Variants in MDN1 observed in about 807,000 individuals in gnomAD.
The protein encoded by MDN1 is midasin AAA ATPase 1.
In MDN1, 266 loss-of-function variants were observed where a neutral mutation model predicts 669.2. The observed-to-expected ratio is 0.40, with a 90% CI of 0.36 to 0.44. The LOEUF (loss-of-function observed/expected upper bound fraction) is 0.44, where lower values mean the gene tolerates loss of function less well. Among genes scored for constraint, MDN1 ranks in the 20% least tolerant of loss-of-function variants. MDN1 has a pLI of 1.00. For synonymous variants in MDN1, 2,385 were observed against 2,457.1 expected (o/e 0.97, Z 0.87); for missense variants, 5,940 against 6,754.0 (o/e 0.88, Z 4.22).
intron 78 of MDN1, 53 bp from the exon 79 acceptor site, chr6:89,674,642 T>C: frequency 2.0e-6 from 3 of 1,492,026 alleles, no homozygotes; most frequent in Non-Finnish European, 2.7e-6. Flanking sequence ...TTAAACCACT[T>C]TACCACATTG....
At chr6:89,806,404 A>C (rs1768022919) in intron 1 of MDN1, among the ~76,000 whole-genome samples, 1 of 152,138 alleles carries the variant, frequency 6.6e-6, no homozygotes, top group Non-Finnish European at 1.5e-5. Flanking sequence ...CTCTTCAAAA[A>C]AATAAAAATA....
chr6:89,677,093 GT>G (rs994254395), intron 76 of MDN1, among the ~76,000 whole-genome samples: 11 of 149,954 alleles, frequency 7.3e-5, no homozygotes, highest in Non-Finnish European at 1.5e-4. Context: ...GAAAATAAAT[GT>G]TTTTTTTCTT....
At position 89,644,059 on chromosome 6, in the gene MDN1, G is replaced by C; in HGVS notation, c.16737C>G (p.Leu5579=). 2 of 1,614,114 alleles carry C rather than the reference G, an allele frequency of 1.2e-6. No individual in the cohort carries two copies. Among genetic ancestry groups the C allele is most frequent in the Non-Finnish European group, 1.7e-6 (2 of 1,180,016 alleles). ...LRDVNALPET[L]SDALRQWFEL... ...CAAACCACTGTCTGAGGGCATCGCTGAGTGTCTCAGGAAGTGCGTTTACAT... is the reference window on the plus strand; with the variant it reads ...CAAACCACTGTCTGAGGGCATCGCTCAGTGTCTCAGGAAGTGCGTTTACAT... The change falls in exon 102 of 102, where the codon CTC becomes CTG. Residue 5579 remains leucine, a synonymous_variant. Transcript: ENST00000369393.
rs781541536 is a variant in MDN1 at position 89,714,557 on chromosome 6, C to T, written c.7055G>A (p.Arg2352Gln). The change falls in exon 46 of 102, where the codon CGG (arginine) becomes CAG (glutamine). Residue 2352 changes from arginine to glutamine, a missense_variant. Transcript: ENST00000369393. ...AAGCACCTCACCTACAACAGTGCTC[C>T]GGGTCTCTGTGTGTAAAGCCAAGAG... ...DILLALHTET[R>Q]STVVGSPTSS... 23 of 1,608,120 alleles carry T rather than the reference C, an allele frequency of 1.4e-5. No homozygotes were observed. The highest frequency in any genetic ancestry group is 3.4e-5 in the Admixed American group (2 of 59,266).
At chr6:89,763,972 C>T (rs1160215863) in intron 15 of MDN1, among the ~76,000 whole-genome samples, 2 of 152,112 alleles carry the variant, frequency 1.3e-5, no homozygotes, top group East Asian at 1.9e-4. Context: ...CCCACCACTT[C>T]GGGAGGTCAA....
chr6:89,772,495 ATTT>A, intron 14 of MDN1, 75 bp downstream of exon 14: 1 of 1,528,508 alleles, frequency 6.5e-7, no homozygotes, highest in South Asian at 1.2e-5. Flanking sequence ...TGGTCTTTGG[ATTT>A]AGTATTTTTA....
intron 33 of MDN1, among the ~76,000 whole-genome samples, chr6:89,737,600 T>C (rs545537344): frequency 3.3e-5 from 5 of 152,134 alleles, no homozygotes; most frequent in African/African-American, 1.2e-4. Flanking sequence ...TTCTAGATTA[T>C]GGATACTAAT....
chr6:89,663,340 G>C (rs911916816), intron 85 of MDN1, among the ~76,000 whole-genome samples: 1 of 152,096 alleles, frequency 6.6e-6, no homozygotes, highest in Non-Finnish European at 1.5e-5. Flanking sequence ...TCAATATACT[G>C]CTATGATTTT....
chr6:89,697,713 C>G (rs1027419990), intron 59 of MDN1, among the ~76,000 whole-genome samples: 2 of 151,950 alleles, frequency 1.3e-5, no homozygotes, highest in African/African-American at 2.4e-5. Context: ...TCCCAAGTAG[C>G]TGGGATTCAG....
At chr6:89,786,164 C>T (rs1441214451) in intron 8 of MDN1, among the ~76,000 whole-genome samples, 1 of 152,096 alleles carries the variant, frequency 6.6e-6, no homozygotes, top group Non-Finnish European at 1.5e-5. Flanking sequence ...GAGACTGAGG[C>T]ACGAGAATCG....
At chr6:89,801,106 G>A (rs1207120160) in intron 2 of MDN1, among the ~76,000 whole-genome samples, 2 of 152,196 alleles carry the variant, frequency 1.3e-5, no homozygotes, top group African/African-American at 4.8e-5. Flanking sequence ...AACATTAAAG[G>A]AAATAATCTC....
chr6:89,643,290 G>A lies in MDN1; in HGVS notation c.*715C>T, dbSNP rs971864291. Reference sequence around the variant, plus strand: ...GACCATGGCACTGAATGAAATAAAGGGGCAATCACCTTCCCATCATTGCAT... The same window carrying A: ...GACCATGGCACTGAATGAAATAAAGAGGCAATCACCTTCCCATCATTGCAT... On this transcript the variant is annotated 3_prime_UTR_variant, in exon 102 of 102. Coordinates refer to ENST00000369393, the MANE Select transcript of MDN1 (RefSeq NM_014611.3). 7 of 152,106 alleles carry A rather than the reference G, an allele frequency of 4.6e-5. No homozygotes were observed. The highest frequency in any genetic ancestry group is 7.4e-5 in the Non-Finnish European group (5 of 68,006). 9.4% of individuals were successfully genotyped at this position (152,106 alleles called of 1,614,324 possible). A position where few individuals can be genotyped will look rare whatever the true frequency, so the allele number is the denominator to read the frequency against.
intron 38 of MDN1, among the ~76,000 whole-genome samples, chr6:89,724,998 C>G (rs1332197924): frequency 2.0e-5 from 3 of 152,182 alleles, no homozygotes; most frequent in African/African-American, 7.2e-5. Context: ...GATAACACAT[C>G]TAGTCTTCCA....
At chr6:89,694,923 T>C (rs946371207) in intron 61 of MDN1, among the ~76,000 whole-genome samples, 4 of 152,264 alleles carry the variant, frequency 2.6e-5, no homozygotes, top group African/African-American at 9.6e-5. Flanking sequence ...AGGGATACTA[T>C]ATTCTATCTA....
intron 13 of MDN1, 143 bp from the exon 14 acceptor site, chr6:89,772,864 T>TA: frequency 1.1e-6 from 1 of 890,822 alleles, no homozygotes; most frequent in Non-Finnish European, 1.6e-6. Flanking sequence ...CAGATAATCT[T>TA]ACAACATACA....
At chr6:89,757,778 G>C (rs1562187346) in intron 19 of MDN1, among the ~76,000 whole-genome samples, 1 of 152,060 alleles carries the variant, frequency 6.6e-6, no homozygotes, top group Non-Finnish European at 1.5e-5. Flanking sequence ...GGGCGCACTG[G>C]CTCACACCTG....
In MDN1 at chr6:89,670,170, A is replaced by ATATATATATATATATTT. The variant is rs1444537561; in HGVS notation, c.13956+748_13956+749insAAATATATATATATATA. 1.3e-4 allele frequency among the ~76,000 whole-genome samples: 3 copies of ATATATATATATATATTT among 23,412 alleles called. 1 individual carries two copies. The highest frequency in any genetic ancestry group is 5.1e-4 in the African/African-American group (2 of 3,910). 15.4% of individuals were successfully genotyped at this position (23,412 alleles called of 152,430 possible). A position where few individuals can be genotyped will look rare whatever the true frequency, so the allele number is the denominator to read the frequency against. ...TATATATATATATATATATATATAT[A>ATATATATATATATATTT]TTTTTTTTTTTTTTTTTTTTGAGAT... On this transcript the variant is annotated intron_variant, in intron 83 of 101. Transcript: ENST00000369393.
At chr6:89,764,372 A>AT (rs1289837865) in intron 15 of MDN1, among the ~76,000 whole-genome samples, 5 of 152,116 alleles carry the variant, frequency 3.3e-5, no homozygotes, top group Non-Finnish European at 5.9e-5. Context: ...TTGGGAGGCT[A>AT]AACAGGTGGA....
rs561647893 is a variant in MDN1, at chr6:89,747,684, A to G, written c.3763-214T>C. ...AGGCGGGCGGATCACAAGGTCAGGA[A>G]ATCGAGACCATCCTGGCTAACATGG... On this transcript the variant is annotated intron_variant, in intron 26 of 101. Transcript: ENST00000369393. Among the ~76,000 whole-genome samples, 663 of 145,102 alleles carry G rather than the reference A, an allele frequency of 4.6e-3. 1 individual carries two copies. Among genetic ancestry groups the G allele is most frequent in the Middle Eastern group, 8.3e-3 (2 of 240 alleles).
Sources: gnomAD v4.1 joint callset for allele counts (sites outside exome capture counted in the v4.1 genomes callset) on GRCh38, gnomAD v4.1.1 for gene constraint, MANE v1.5 for transcripts, NCBI Gene and HGNC (gene_info 2026-07-23, HGNC 2026-07-21) for gene names.